DOCK2: variants seen among roughly 807,000 people sequenced by gnomAD.
The protein encoded by DOCK2 is dedicator of cytokinesis protein 2.
In DOCK2, 87 loss-of-function variants were observed where a neutral mutation model predicts 248.9. That is an observed-to-expected ratio of 0.35 (90% CI 0.29 to 0.42). DOCK2 has a LOEUF of 0.42. DOCK2 is among the 10% of genes least tolerant of loss of function. The pLI, the probability that DOCK2 is intolerant of heterozygous loss-of-function variation, is 1.00. For missense variants in DOCK2, 1,747 were observed against 2,300.2 expected (o/e 0.76, Z 4.92); for synonymous variants, 805 against 821.6 (o/e 0.98, Z 0.35).
intron 27 of DOCK2, among the ~76,000 whole-genome samples, chr5:169,942,370 T>C (rs1315649399): frequency 6.6e-6 from 1 of 152,190 alleles, no homozygotes; most frequent in Non-Finnish European, 1.5e-5. Context: ...AGGAGAAATA[T>C]GTAAAGATGC....
At chr5:170,071,538 G>A (rs1757678483) in intron 46 of DOCK2, among the ~76,000 whole-genome samples, 1 of 151,936 alleles carries the variant, frequency 6.6e-6, no homozygotes, top group East Asian at 1.9e-4. Context: ...TCTATTTTTT[G>A]GCATAAAAAG....
intron 27 of DOCK2, among the ~76,000 whole-genome samples, chr5:169,914,355 C>T (rs1288871224): frequency 6.6e-6 from 1 of 152,160 alleles, no homozygotes; most frequent in African/African-American, 2.4e-5. Flanking sequence ...CTCACTGATT[C>T]CTTCATTCAG....
intron 26 of DOCK2, among the ~76,000 whole-genome samples, chr5:169,819,080 T>C (rs1768253227): frequency 6.6e-6 from 1 of 152,190 alleles, no homozygotes; most frequent in Admixed American, 6.5e-5. Flanking sequence ...AGGAATGACA[T>C]GATTCAGTGA....
At chr5:169,646,094 A>G (rs1757444731) in intron 1 of DOCK2, among the ~76,000 whole-genome samples, 1 of 152,114 alleles carries the variant, frequency 6.6e-6, no homozygotes, top group South Asian at 2.1e-4. Context: ...TAAGTTTGTA[A>G]TCCATCTTGA....
intron 27 of DOCK2, among the ~76,000 whole-genome samples, chr5:169,926,408 G>C (rs984408740): frequency 3.9e-5 from 6 of 152,182 alleles, no homozygotes; most frequent in Admixed American, 2.6e-4. Context: ...TGGCATTACT[G>C]TTAACAAATA....
At chr5:169,863,503 C>T (rs1039671847) in intron 27 of DOCK2, among the ~76,000 whole-genome samples, 2 of 152,260 alleles carry the variant, frequency 1.3e-5, no homozygotes, top group Admixed American at 1.3e-4. Flanking sequence ...GGTCTCAGGC[C>T]CTAGGCAGAG....
At chr5:169,683,599 C>T (rs1327866964) in intron 7 of DOCK2, among the ~76,000 whole-genome samples, 1 of 152,150 alleles carries the variant, frequency 6.6e-6, no homozygotes, top group African/African-American at 2.4e-5. Context: ...CACTTGATAT[C>T]AGACTTTTTA....
chr5:169,761,284 G>A (rs9313472), intron 24 of DOCK2: 21,486 of 445,834 alleles, frequency 0.048, 1,353 homozygotes, highest in African/African-American at 0.21. Context: ...CTTGGTACAC[G>A]GTAACTGCTC....
At chr5:169,917,627 C>T (rs943911391) in intron 27 of DOCK2, among the ~76,000 whole-genome samples, 4 of 151,920 alleles carry the variant, frequency 2.6e-5, no homozygotes, top group African/African-American at 4.8e-5. Context: ...TTGGTGATTG[C>T]GAAACACTAG....
At chr5:169,831,842 C>T (rs934958998) in intron 26 of DOCK2, among the ~76,000 whole-genome samples, 1 of 152,158 alleles carries the variant, frequency 6.6e-6, no homozygotes, top group African/African-American at 2.4e-5. Flanking sequence ...ACTTGAGGCT[C>T]AGAGGGGCAA....
At chr5:169,664,557 C>A (rs943212075) in intron 2 of DOCK2, among the ~76,000 whole-genome samples, 37 of 152,288 alleles carry the variant, frequency 2.4e-4, no homozygotes, top group South Asian at 1.9e-3. Flanking sequence ...AATTGACTTG[C>A]AGTTCTGCAT....
intron 27 of DOCK2, among the ~76,000 whole-genome samples, chr5:169,915,142 ATAAAAC>A (rs1211994248): frequency 1.3e-5 from 2 of 152,236 alleles, no homozygotes; most frequent in African/African-American, 4.8e-5. Flanking sequence ...GCACAAGTGG[ATAAAAC>A]TAACAAAACT....
intron 27 of DOCK2, among the ~76,000 whole-genome samples, chr5:169,963,167 T>C (rs749115998): frequency 1.3e-5 from 2 of 152,216 alleles, no homozygotes; most frequent in Non-Finnish European, 2.9e-5. Context: ...AAAGAGAGTT[T>C]GGGAAGGCCT....
chr5:169,733,473 AT>A (rs1762886067), intron 22 of DOCK2, among the ~76,000 whole-genome samples: 1 of 151,912 alleles, frequency 6.6e-6, no homozygotes, highest in African/African-American at 2.4e-5. Context: ...GTTCAACACT[AT>A]TCTACTGTAT....
intron 27 of DOCK2, among the ~76,000 whole-genome samples, chr5:169,885,461 G>A (rs1772918415): frequency 6.6e-6 from 1 of 152,216 alleles, no homozygotes; most frequent in Non-Finnish European, 1.5e-5. Flanking sequence ...AACAGGACCT[G>A]TGAACTCGTT....
chr5:169,731,064 C>T (rs1333642588), intron 22 of DOCK2, among the ~76,000 whole-genome samples: 1 of 152,078 alleles, frequency 6.6e-6, no homozygotes, highest in Non-Finnish European at 1.5e-5. Flanking sequence ...GATGCAGTCT[C>T]ACTGTGTTGC....
intron 26 of DOCK2, among the ~76,000 whole-genome samples, chr5:169,816,712 A>G (rs1028692217): frequency 4.0e-5 from 6 of 151,272 alleles, no homozygotes; most frequent in Admixed American, 6.6e-5. Flanking sequence ...TTGTAGGTAC[A>G]TAGTAGGTGT....
chr5:170,028,740 AACACACACACACAC>A lies in DOCK2; in HGVS notation c.3467+807_3467+820del, dbSNP rs59193270. Among the ~76,000 whole-genome samples the A allele has an allele frequency of 2.3e-3, 349 of 148,756 alleles. 1 individual carries two copies. Among genetic ancestry groups the A allele is most frequent in the African/African-American group, 7.3e-3 (299 of 40,696 alleles). On this transcript the variant is annotated intron_variant, in intron 34 of 51. Transcript: ENST00000520908. ...TGCACCCCTTAGCCACTGCTCTGCC[AACACACACACACAC>A]ACACACACACACACGCGTGCGCACA...
intron 34 of DOCK2, among the ~76,000 whole-genome samples, chr5:170,033,160 G>A (rs571048149): frequency 6.6e-6 from 1 of 152,212 alleles, no homozygotes; most frequent in African/African-American, 2.4e-5. Context: ...CACAGAATAA[G>A]TAATTAAGAA....
Sources: allele counts gnomAD v4.1 joint callset (sites outside exome capture counted in the v4.1 genomes callset), GRCh38; gene constraint gnomAD v4.1.1; transcripts MANE v1.5; gene names NCBI Gene and HGNC (gene_info 2026-07-23, HGNC 2026-07-21).